Variants in DPPA4 observed in about 807,000 individuals in gnomAD.
The protein encoded by DPPA4 is developmental pluripotency associated 4.
DPPA4 carries 22 observed loss-of-function variants against 33.7 expected under a neutral mutation model. The ratio of observed to expected loss-of-function variants is 0.65; its 90% CI spans 0.47 to 0.93. The LOEUF (loss-of-function observed/expected upper bound fraction) is 0.93. Among genes scored for constraint, DPPA4 ranks in the 40% least tolerant of loss-of-function variants. DPPA4 has a pLI of 0.00. For missense variants in DPPA4, 340 were observed against 358.6 expected (o/e 0.95, Z 0.42); for synonymous variants, 156 against 132.3 (o/e 1.18, Z -1.23).
rs368294457 is a variant in DPPA4, at chr3:109,330,713, G to A, written c.490C>T (p.His164Tyr). Reference sequence around the variant, plus strand: ...GGAGGAAGAGCCACTTCAGGAGGATGTGTCTCAGAACTTTGCAGGGACGTT... The same window carrying A: ...GGAGGAAGAGCCACTTCAGGAGGATATGTCTCAGAACTTTGCAGGGACGTT... ...GETSLQSSET[H>Y]PPEVALPPVG... The change falls in exon 5 of 7, where the codon CAT (histidine) becomes TAT (tyrosine). Residue 164 changes from histidine to tyrosine, a missense_variant. By Grantham distance (83) the His-to-Tyr change is moderately conservative (BLOSUM62 2). Around this residue, in one of 3 missense-constraint regions of DPPA4, gnomAD observed 212 missense variants for 206.5 expected, o/e 1.03. Transcript: ENST00000335658. 6.2e-7 allele frequency: 1 copy of A among 1,614,182 alleles called. No homozygotes were observed. Among genetic ancestry groups the A allele is most frequent in the Non-Finnish European group, 8.5e-7 (1 of 1,180,018 alleles).
rs772672889 is a variant in DPPA4, at chr3:109,329,011, C to T, written c.757G>A (p.Gly253Ser). The T allele has an allele frequency of 1.2e-6, 2 of 1,614,076 alleles. No homozygotes were observed. Among genetic ancestry groups the T allele is most frequent in the South Asian group, 2.2e-5 (2 of 91,070 alleles). ...TGCTTTTCTGGAACCCAGGCTTGAC[C>T]AGCATGAAACTGCAGGTGAACCCAA... ...DGWVHLQFHA[G>S]QAWVPEKQEG... Residue 253 changes from glycine (G) to serine (S), a missense_variant, in exon 6 of 7, where the codon GGT (glycine) becomes AGT (serine). Physicochemically the swap from Gly to Ser is moderately conservative, Grantham distance 56. Transcript: ENST00000335658.
At position 109,327,276 on chromosome 3, in the gene DPPA4, C is replaced by T. The variant is rs1707957104; in HGVS notation, c.*712G>A. ...AAATTGCAATTGGAATGAAGCAGCT[C>T]CTAAAGTAGTCAGTGTTCAGAGGAA... is the stretch of plus-strand genomic sequence containing the variant. On this transcript the variant is annotated 3_prime_UTR_variant, in exon 7 of 7. Coordinates refer to ENST00000335658, the MANE Select transcript of DPPA4 (RefSeq NM_018189.4). 1 of 152,124 alleles carries T rather than the reference C, an allele frequency of 6.6e-6. No individual in the cohort carries two copies. The highest frequency in any genetic ancestry group is 2.1e-4 in the South Asian group (1 of 4,830). The allele number at this position is 152,124 out of a possible 1,614,324, so 9.4% of individuals were successfully genotyped here. A position where few individuals can be genotyped will look rare whatever the true frequency, so the allele number is the denominator to read the frequency against.
In DPPA4 at chr3:109,327,203, G is replaced by A. The variant is rs1168048266; in HGVS notation, c.*785C>T. 6.6e-6 allele frequency: 1 copy of A among 152,176 alleles called. No individual in the cohort carries two copies. 9.4% of individuals were successfully genotyped at this position (152,176 alleles called of 1,614,324 possible). On this transcript the variant is annotated 3_prime_UTR_variant, in exon 7 of 7. Coordinates refer to ENST00000335658, the MANE Select transcript of DPPA4 (RefSeq NM_018189.4). ...TTAAAAATCATGTGTTTGGGGGAGG[G>A]AGGGAATTAACAGCCTTTCTTTGCC...
chr3:109,335,948 T>C lies in DPPA4; in HGVS notation c.54+1516A>G, dbSNP rs572647007. Among the ~76,000 whole-genome samples the C allele has an allele frequency of 2.6e-5, 4 of 151,102 alleles. No individual in the cohort carries two copies. The South Asian group carries it at 8.4e-4, about 32-fold the overall frequency. On this transcript the variant is annotated intron_variant, in intron 1 of 6. Transcript: ENST00000335658. ...TGGGCTGACCGATTGAGGTCAGGAG[T>C]TCGAGACCAGCCTGGCTAACATATC...
In DPPA4 at chr3:109,331,961, T is replaced by C; in HGVS notation, c.249A>G (p.Pro83=). The C allele has an allele frequency of 6.2e-7, 1 of 1,614,050 alleles. No individual in the cohort carries two copies. Residue 83 remains proline (P), a synonymous_variant, in exon 3 of 7, where the codon CCA becomes CCG. Coordinates refer to ENST00000335658, the MANE Select transcript of DPPA4 (RefSeq NM_018189.4). ...TAACAGGTGGCAGTTTAGAAGGTAATGGAGGGATTGGTATCTTCTTCTGAG... is the reference window on the plus strand; with the variant it reads ...TAACAGGTGGCAGTTTAGAAGGTAACGGAGGGATTGGTATCTTCTTCTGAG... ...PRPQKKIPIP[P]LPSKLPPVNL... is the part of the protein sequence containing the mutation.
At position 109,328,032 on chromosome 3, in the gene DPPA4, G is replaced by A. The variant is rs373470337; in HGVS notation, c.879-8C>T. The A allele has an allele frequency of 1.4e-6, 2 of 1,473,578 alleles. No homozygotes were observed. Among genetic ancestry groups the A allele is most frequent in the African/African-American group, 1.4e-5 (1 of 71,612 alleles). The allele number at this position is 1,473,578 out of a possible 1,614,324, so 91.3% of individuals were successfully genotyped here. ...TTTATTAAGACCTTGTTCCTATAAAGCAAATAAAGTATTTGTTTTTAAAAA... is the reference window on the plus strand; with the variant it reads ...TTTATTAAGACCTTGTTCCTATAAAACAAATAAAGTATTTGTTTTTAAAAA... On this transcript the variant is annotated splice_polypyrimidine_tract_variant and splice_region_variant and intron_variant, in intron 6 of 6. Transcript: ENST00000335658.
At chr3:109,335,950 C>G (rs909901727) in intron 1 of DPPA4, among the ~76,000 whole-genome samples, 16 of 151,352 alleles carry the variant, frequency 1.1e-4, no homozygotes, top group African/African-American at 3.6e-4. Context: ...GTCAGGAGTT[C>G]GAGACCAGCC....
At chr3:109,337,918 A>T (rs144928572), upstream of DPPA4, among the ~76,000 whole-genome samples, 36 of 152,332 alleles carry the variant, frequency 2.4e-4, no homozygotes, top group African/African-American at 7.9e-4. Flanking sequence ...AGTAGACTTC[A>T]GAGACCAGAC....
chr3:109,329,759 A>G (rs558834627), intron 5 of DPPA4: 4 of 152,700 alleles, frequency 2.6e-5, no homozygotes, highest in Admixed American at 1.3e-4. Flanking sequence ...CTTCCAACAT[A>G]TAAGGTAGGT....
In DPPA4 at chr3:109,327,006, T is replaced by G. The variant is rs1432434030; in HGVS notation, c.*982A>C. 1.3e-5 allele frequency: 2 copies of G among 152,210 alleles called. No individual in the cohort carries two copies. Among genetic ancestry groups the G allele is most frequent in the African/African-American group, 4.8e-5 (2 of 41,468 alleles). 9.4% of individuals were successfully genotyped at this position (152,210 alleles called of 1,614,324 possible). On this transcript the variant is annotated 3_prime_UTR_variant, in exon 7 of 7. Transcript: ENST00000335658. ...ATCGGTTAATAAACACATTTTAAAT[T>G]CAATATATTATGTATTTATGAGCGG...
chr3:109,328,891 T>G lies in DPPA4; in HGVS notation c.877A>C (p.Arg293=). ...DNMLCPKCVH[R]NKVLIKSLQW... ...TGTAGAAAAGCATCAGGTAATTACC[T>G]GTGAACACATTTGGGGCACAACATA... The change falls in exon 6 of 7, where the codon AGG becomes CGG. Residue 293 remains arginine (R), a splice_region_variant and synonymous_variant. Coordinates refer to ENST00000335658, the MANE Select transcript of DPPA4 (RefSeq NM_018189.4). 1 of 1,613,346 alleles carries G rather than the reference T, an allele frequency of 6.2e-7. No homozygotes were observed. The highest frequency in any genetic ancestry group is 8.5e-7 in the Non-Finnish European group (1 of 1,179,550).
chr3:109,329,451 C>A (rs1177994675), intron 5 of DPPA4: 1 of 200,944 alleles, frequency 5.0e-6, no homozygotes, highest in East Asian at 1.3e-4. Flanking sequence ...AGGAGAATGG[C>A]GTGAACCCGG....
At chr3:109,335,617 TG>T (rs1293401240) in intron 1 of DPPA4, among the ~76,000 whole-genome samples, 1 of 151,728 alleles carries the variant, frequency 6.6e-6, no homozygotes, top group African/African-American at 2.4e-5. Flanking sequence ...TTAGTAGAGA[TG>T]GGGGTTTCAC....
chr3:109,329,193 T>C (rs1453698191), intron 5 of DPPA4, 105 bp from the exon 6 acceptor site: 7 of 972,164 alleles, frequency 7.2e-6, no homozygotes, highest in Non-Finnish European at 1.1e-5. Flanking sequence ...CTCCAAGATG[T>C]GAACCCTGAA....
intron 1 of DPPA4, among the ~76,000 whole-genome samples, chr3:109,335,041 A>C (rs1708162150): frequency 6.6e-6 from 1 of 152,222 alleles, no homozygotes; most frequent in East Asian, 1.9e-4. Flanking sequence ...GAATTAAAGG[A>C]AGCAAAGTGG....
chr3:109,336,896 A>G (rs1191326387), intron 1 of DPPA4, among the ~76,000 whole-genome samples: 3 of 152,032 alleles, frequency 2.0e-5, no homozygotes, highest in African/African-American at 7.2e-5. Flanking sequence ...CTGAAAACCT[A>G]ATTTTTTAAC....
At chr3:109,330,408 C>T (rs1054530464) in intron 5 of DPPA4, 116 bp downstream of exon 5, 23 of 1,152,090 alleles carry the variant, frequency 2.0e-5, no homozygotes, top group Non-Finnish European at 2.8e-5. Flanking sequence ...TGGGCAGGGT[C>T]CAGGAATCAC....
intron 5 of DPPA4, chr3:109,330,277 G>GT (rs1263964604): frequency 2.4e-6 from 1 of 411,374 alleles, no homozygotes; most frequent in Non-Finnish European, 4.4e-6. Context: ...ACTCTAGCCT[G>GT]GGCAACAAGG....
At chr3:109,330,487 C>A in intron 5 of DPPA4, 37 bp downstream of exon 5, 1 of 1,609,138 alleles carries the variant, frequency 6.2e-7, no homozygotes, top group South Asian at 1.1e-5. Flanking sequence ...GCTTATTTCC[C>A]CATTGGACCA....
Sources: gnomAD v4.1 joint callset for allele counts (sites outside exome capture counted in the v4.1 genomes callset) on GRCh38, gnomAD v4.1.1 for gene constraint, gnomAD v4.1.1 regional missense constraint, MANE v1.5 for transcripts, NCBI Gene and HGNC (gene_info 2026-07-23, HGNC 2026-07-21) for gene names.